The following RBFOX1 variants were observed in gnomAD, a reference collection of about 807,000 sequenced individuals.
RBFOX1 encodes the protein RNA binding fox-1 homolog 1.
A neutral mutation model predicts 57.7 loss-of-function variants in RBFOX1; 8 were observed. That is an observed-to-expected ratio of 0.14 (90% confidence interval 0.08 to 0.25). RBFOX1 has a LOEUF of 0.25. Among genes scored for constraint, RBFOX1 ranks in the 10% least tolerant of loss-of-function variants. The pLI is 1.00. For missense variants in RBFOX1, 611 were observed against 548.5 expected (o/e 1.11, Z -1.14); for synonymous variants, 326 against 222.4 (o/e 1.47, Z -4.15).
intron 3 of RBFOX1, among the ~76,000 whole-genome samples, chr16:6,856,404 G>C (rs2057909135): frequency 1.3e-5 from 2 of 152,098 alleles, no homozygotes; most frequent in South Asian, 4.1e-4. Context: ...TTGAGGCTAG[G>C]ATTTAGGTGA....
At chr16:7,041,724 C>T (rs146791290) in intron 3 of RBFOX1, among the ~76,000 whole-genome samples, 2 of 152,170 alleles carry the variant, frequency 1.3e-5, no homozygotes, top group African/African-American at 4.8e-5. Flanking sequence ...TTCACAAGGC[C>T]TCTTGGGGAA....
chr16:6,158,252 G>T (rs2096852686), intron 1 of RBFOX1, among the ~76,000 whole-genome samples: 1 of 152,180 alleles, frequency 6.6e-6, no homozygotes, highest in African/African-American at 2.4e-5. Flanking sequence ...TCGGTATTTT[G>T]CTGAAAGTGG....
chr16:7,386,975 C>T (rs1399684290), intron 4 of RBFOX1, among the ~76,000 whole-genome samples: 1 of 152,124 alleles, frequency 6.6e-6, no homozygotes, highest in African/African-American at 2.4e-5. Context: ...TCTCTAATGA[C>T]CAGTGATAAA....
At chr16:7,340,900 T>A (rs1275368247) in intron 4 of RBFOX1, among the ~76,000 whole-genome samples, 1 of 152,204 alleles carries the variant, frequency 6.6e-6, no homozygotes, top group Non-Finnish European at 1.5e-5. Flanking sequence ...TTTGATCATT[T>A]TAAAGGCATG....
chr16:7,385,391 G>A (rs1333909640), intron 4 of RBFOX1, among the ~76,000 whole-genome samples: 1 of 152,136 alleles, frequency 6.6e-6, no homozygotes, highest in Non-Finnish European at 1.5e-5. Flanking sequence ...AAAATTAACA[G>A]GCAGATCTGG....
chr16:6,155,688 C>A (rs747161982), intron 1 of RBFOX1, among the ~76,000 whole-genome samples: 2 of 152,118 alleles, frequency 1.3e-5, no homozygotes, highest in Non-Finnish European at 2.9e-5. Context: ...GTACAATGAC[C>A]CAGACTCAGA....
chr16:7,077,697 C>G (rs1167846518), intron 4 of RBFOX1, among the ~76,000 whole-genome samples: 1 of 152,114 alleles, frequency 6.6e-6, no homozygotes, highest in African/African-American at 2.4e-5. Context: ...TTATATCTGT[C>G]GGGTTGATAG....
chr16:5,673,029 G>A (rs1218322274), intron 3 of RBFOX1, among the ~76,000 whole-genome samples: 2 of 152,126 alleles, frequency 1.3e-5, no homozygotes, highest in African/African-American at 4.8e-5. Flanking sequence ...CTCTGGGGTG[G>A]GTGAGATGGT....
At chr16:5,502,023 C>T (rs936924471) in intron 2 of RBFOX1, among the ~76,000 whole-genome samples, 1 of 142,002 alleles carries the variant, frequency 7.0e-6, no homozygotes, top group African/African-American at 3.0e-5. Context: ...ATGCCCAGCT[C>T]ACTATTATTA....
chr16:7,199,725 T>A (rs1567676813), intron 4 of RBFOX1, among the ~76,000 whole-genome samples: 1 of 152,102 alleles, frequency 6.6e-6, no homozygotes, highest in East Asian at 1.9e-4. Context: ...TGAAACCCCG[T>A]CTTTACTAAA....
At chr16:6,083,560 T>C (rs1403464736) in intron 1 of RBFOX1, among the ~76,000 whole-genome samples, 2 of 152,130 alleles carry the variant, frequency 1.3e-5, no homozygotes, top group African/African-American at 2.4e-5. Flanking sequence ...CACTGCAGCC[T>C]CAACCTCTTG....
At chr16:6,728,841 A>C (rs1472364291) in intron 3 of RBFOX1, among the ~76,000 whole-genome samples, 1 of 152,212 alleles carries the variant, frequency 6.6e-6, no homozygotes, top group Non-Finnish European at 1.5e-5. Context: ...TAATTCATGT[A>C]GCATTCAAAA....
At chr16:7,435,542 C>G (rs1427136701) in intron 4 of RBFOX1, among the ~76,000 whole-genome samples, 1 of 152,146 alleles carries the variant, frequency 6.6e-6, no homozygotes, top group East Asian at 1.9e-4. Flanking sequence ...TAGGCTTCAC[C>G]TCCTTGAAGC....
chr16:6,749,254 G>C (rs1206710093), intron 3 of RBFOX1, among the ~76,000 whole-genome samples: 1 of 152,078 alleles, frequency 6.6e-6, no homozygotes, highest in African/African-American at 2.4e-5. Context: ...ATCTGAGCCT[G>C]GGTTCCTCAT....
chr16:6,945,931 CA>C (rs1397724854), intron 3 of RBFOX1, among the ~76,000 whole-genome samples: 1 of 152,206 alleles, frequency 6.6e-6, no homozygotes, highest in African/African-American at 2.4e-5. Context: ...CCTAAGCCCC[CA>C]GGGGCGTTTA....
intron 4 of RBFOX1, among the ~76,000 whole-genome samples, chr16:7,282,559 C>CTTTTT (rs111692571): frequency 5.4e-4 from 81 of 149,604 alleles, no homozygotes; most frequent in Non-Finnish European, 8.2e-4. Flanking sequence ...GTTGATTAAG[C>CTTTTT]TTTTTTTTTT....
intron 1 of RBFOX1, among the ~76,000 whole-genome samples, chr16:5,386,758 A>T (rs1371598078): frequency 6.6e-6 from 1 of 152,130 alleles, no homozygotes; most frequent in Non-Finnish European, 1.5e-5. Context: ...TACTTCTAAG[A>T]ACGTACTTTG....
intron 4 of RBFOX1, among the ~76,000 whole-genome samples, chr16:7,168,786 C>T (rs1029419569): frequency 2.6e-5 from 4 of 152,138 alleles, no homozygotes; most frequent in African/African-American, 9.7e-5. Flanking sequence ...CCAAATACAA[C>T]AATTTTGCCA....
At chr16:6,008,066 A>C (rs1387017329) in intron 4 of RBFOX1, among the ~76,000 whole-genome samples, 1 of 152,134 alleles carries the variant, frequency 6.6e-6, no homozygotes, top group South Asian at 2.1e-4. Context: ...TTAGCCAGGC[A>C]TGGTGGCATG....
Sources: gnomAD v4.1 joint callset for allele counts (sites outside exome capture counted in the v4.1 genomes callset) on GRCh38, gnomAD v4.1.1 for gene constraint, MANE v1.5 for transcripts, NCBI Gene and HGNC (gene_info 2026-07-23, HGNC 2026-07-21) for gene names.